The following RAB3A variants were observed in gnomAD, a reference collection of about 807,000 sequenced individuals.
The protein encoded by RAB3A is ras-related protein Rab-3A.
In RAB3A, 5 loss-of-function variants were observed where a neutral mutation model predicts 19.7. That is an observed-to-expected ratio of 0.25 (90% CI 0.13 to 0.53). RAB3A has a LOEUF of 0.53. Ranked by LOEUF, RAB3A falls within the 20% of genes least tolerant of loss-of-function variation. The pLI is 0.95. For missense variants in RAB3A, 189 were observed against 305.6 expected (o/e 0.62, Z 2.85); for synonymous variants, 119 against 122.1 (o/e 0.97, Z 0.17).
Position 18,197,441 on chromosome 19 carries a change from G to T in RAB3A, c.*29C>A. The T allele has an allele frequency of 6.3e-7, 1 of 1,591,932 alleles. No individual in the cohort carries two copies. On this transcript the variant is annotated 3_prime_UTR_variant, in exon 5 of 5. Coordinates refer to ENST00000222256, the MANE Select transcript of RAB3A (RefSeq NM_002866.5). ...AGTTGGGGGAAGGTGGGGAAGACAG[G>T]GAAGAGGGGAAAGGGAGTGGGATGG...
intron 2 of RAB3A, among the ~76,000 whole-genome samples, chr19:18,201,858 A>G (rs953399936): frequency 6.6e-6 from 1 of 152,172 alleles, no homozygotes; most frequent in Non-Finnish European, 1.5e-5. Context: ...ACTCCCAGCT[A>G]CTTGGGAAGC....
chr19:18,202,539 C>T lies in RAB3A; in HGVS notation c.202G>A (p.Asp68Asn), dbSNP rs1300216167. The T allele has an allele frequency of 3.7e-6, 6 of 1,614,134 alleles. No individual in the cohort carries two copies. The highest frequency in any genetic ancestry group is 5.1e-6 in the Non-Finnish European group (6 of 1,180,012). Residue 68 changes from aspartate (D) to asparagine (N), a missense_variant, in exon 2 of 5, where the codon GAC becomes AAC. By Grantham distance (23) the Asp-to-Asn change is conservative. Transcript: ENST00000222256. The surrounding 1 kb of genome is among the most constrained non-coding windows in gnomAD (Gnocchi z 4.2). The part of the protein sequence containing the change: ...DFKVKTIYRN[D>N]KRIKLQIWDT... ...CAGATCTGCAGCTTGATCCTCTTGTCGTTGCGATAGATGGTCTTGACCTTG... is the reference window on the plus strand; with the variant it reads ...CAGATCTGCAGCTTGATCCTCTTGTTGTTGCGATAGATGGTCTTGACCTTG...
chr19:18,200,333 T>C lies in RAB3A; in HGVS notation c.341A>G (p.Gln114Arg). ...GCAAGTGGGGTACACTCACCAGTCC[T>C]GCACTGCATTGAAGGATTCCTCGTT... ...ITNEESFNAVQDWSTQIKTYS... is the reference protein window; with the variant it reads ...ITNEESFNAVRDWSTQIKTYS... Residue 114 changes from glutamine to arginine, a missense_variant, in exon 3 of 5, where the codon CAG becomes CGG. Gln to Arg is a conservative substitution (Grantham distance 43, BLOSUM62 1). Transcript: ENST00000222256. 6.2e-7 allele frequency: 1 copy of C among 1,609,422 alleles called. No individual in the cohort carries two copies. The highest frequency in any genetic ancestry group is 8.5e-7 in the Non-Finnish European group (1 of 1,176,386).
intron 2 of RAB3A, among the ~76,000 whole-genome samples, chr19:18,200,962 TG>T (rs1967600341): frequency 6.7e-6 from 1 of 149,162 alleles, no homozygotes; most frequent in Non-Finnish European, 1.5e-5. Flanking sequence ...TCGGGTGTGG[TG>T]GTGGCTCACG....
Position 18,202,393 on chromosome 19 carries a change from T to A in RAB3A, c.228+120A>T. 1 of 894,488 alleles carries A rather than the reference T, an allele frequency of 1.1e-6. No homozygotes were observed. Among genetic ancestry groups the A allele is most frequent in the Non-Finnish European group, 1.8e-6 (1 of 568,586 alleles). The allele number at this position is 894,488 out of a possible 1,614,324, so 55.4% of individuals were successfully genotyped here. A position where few individuals can be genotyped will look rare whatever the true frequency, so the allele number is the denominator to read the frequency against. ...CGGTACACAGTGGGCACCTTACTGA[T>A]AAATGCCCAGTGTGTAAGTGAATGA... On this transcript the variant is annotated intron_variant, in intron 2 of 4. Transcript: ENST00000222256. This position sits in a 1 kb window ranked among gnomAD's most constrained non-coding sequence, Gnocchi z 4.2.
rs1219568929 is a variant in RAB3A, at chr19:18,197,250, A to G, written c.*220T>C. The G allele has an allele frequency of 3.8e-6, 2 of 530,516 alleles. No homozygotes were observed. The highest frequency in any genetic ancestry group is 3.4e-5 in the East Asian group (1 of 29,438). The allele number at this position is 530,516 out of a possible 1,614,324, so 32.9% of individuals were successfully genotyped here. A position where few individuals can be genotyped will look rare whatever the true frequency, so the allele number is the denominator to read the frequency against. On this transcript the variant is annotated 3_prime_UTR_variant, in exon 5 of 5. Coordinates refer to ENST00000222256, the MANE Select transcript of RAB3A (RefSeq NM_002866.5). ...ACCACAGCTGAGTGGGGAAAGGGCT[A>G]TATGTACAGGAGGGGCAGGGCTTGG...
Position 18,197,183 on chromosome 19 carries a change from G to C in RAB3A, c.*287C>G, listed in dbSNP as rs865968290. On this transcript the variant is annotated 3_prime_UTR_variant, in exon 5 of 5. Transcript: ENST00000222256. ...AATTTTAAAAAAAGGCGGGGGGGGGGGGTTCAGGAGGGTGAGCGGTGAGTT... is the reference window on the plus strand; with the variant it reads ...AATTTTAAAAAAAGGCGGGGGGGGGCGGTTCAGGAGGGTGAGCGGTGAGTT... 5.0e-4 allele frequency: 178 copies of C among 357,246 alleles called. 6 individuals carry two copies. In the East Asian group the frequency reaches 6.2e-3, roughly 12 times the overall value. 22.1% of individuals were successfully genotyped at this position (357,246 alleles called of 1,614,324 possible).
chr19:18,199,901 C>T (rs1266017318), intron 3 of RAB3A, among the ~76,000 whole-genome samples: 1 of 152,162 alleles, frequency 6.6e-6, no homozygotes, highest in African/African-American at 2.4e-5. Context: ...TATAGTTTTA[C>T]TTTTCCATCT....
At chr19:18,200,000 G>A (rs931438703) in intron 3 of RAB3A, among the ~76,000 whole-genome samples, 14 of 152,254 alleles carry the variant, frequency 9.2e-5, no homozygotes, top group African/African-American at 3.4e-4. Context: ...AGTGTGGAAG[G>A]CCAGAAGCGA....
rs148340002 is a variant in RAB3A at position 18,196,947 on chromosome 19, A to AC, written c.*522dup. ...CCAGGGTGGTGAATACCCACAGCAC[A>AC]CCCCCCCACCAAAAGAGAAAACGGG... On this transcript the variant is annotated 3_prime_UTR_variant, in exon 5 of 5. Coordinates refer to ENST00000222256, the MANE Select transcript of RAB3A (RefSeq NM_002866.5). 0.056 allele frequency: 7,460 copies of AC among 132,642 alleles called. 275 individuals are homozygous for AC. The highest frequency in any genetic ancestry group is 0.076 in the Non-Finnish European group (5,033 of 65,802). 8.2% of individuals were successfully genotyped at this position (132,642 alleles called of 1,614,324 possible).
chr19:18,198,648 A>G, intron 4 of RAB3A, 77 bp downstream of exon 4: 1 of 1,575,590 alleles, frequency 6.3e-7, no homozygotes, highest in Non-Finnish European at 8.6e-7. Flanking sequence ...TAGCTGTAAG[A>G]CCTTGGGTGT....
intron 1 of RAB3A, among the ~76,000 whole-genome samples, chr19:18,203,445 AC>A (rs1967642159): frequency 6.6e-6 from 1 of 152,036 alleles, no homozygotes; most frequent in Non-Finnish European, 1.5e-5. Flanking sequence ...GCTTGTATGC[AC>A]GGGCCATACC....
rs374714100 is a variant in RAB3A at position 18,202,788 on chromosome 19, C to T, written c.1-48G>A. The T allele has an allele frequency of 1.3e-6, 2 of 1,494,454 alleles. No individual in the cohort carries two copies. Among genetic ancestry groups the T allele is most frequent in the Non-Finnish European group, 1.9e-6 (2 of 1,076,560 alleles). 92.6% of individuals were successfully genotyped at this position (1,494,454 alleles called of 1,614,324 possible). The stretch of plus-strand genomic sequence containing the variant: ...AGCCGTGAGGGGGGCTCTCTCCATC[C>T]TCATGTGCCCAAGCCCAGGCAGAAG... On this transcript the variant is annotated intron_variant, in intron 1 of 4. Coordinates refer to ENST00000222256, the MANE Select transcript of RAB3A (RefSeq NM_002866.5). The surrounding 1 kb of genome is among the most constrained non-coding windows in gnomAD (Gnocchi z 4.2).
chr19:18,203,468 T>C (rs1257968396), intron 1 of RAB3A, among the ~76,000 whole-genome samples: 1 of 151,718 alleles, frequency 6.6e-6, no homozygotes, highest in Non-Finnish European at 1.5e-5. Flanking sequence ...GCACAGGCGG[T>C]CCACACGTCT....
chr19:18,203,339 C>T (rs1568653772), intron 1 of RAB3A, among the ~76,000 whole-genome samples: 1 of 152,222 alleles, frequency 6.6e-6, no homozygotes, highest in South Asian at 2.1e-4. Context: ...GTTTGCACAC[C>T]GACTCGCCTA....
In RAB3A at chr19:18,197,246, G is replaced by A. The variant is rs548028585; in HGVS notation, c.*224C>T. ...AGACACCACAGCTGAGTGGGGAAAG[G>A]GCTATATGTACAGGAGGGGCAGGGC... On this transcript the variant is annotated 3_prime_UTR_variant, in exon 5 of 5. Coordinates refer to ENST00000222256, the MANE Select transcript of RAB3A (RefSeq NM_002866.5). 6 of 538,006 alleles carry A rather than the reference G, an allele frequency of 1.1e-5. No homozygotes were observed. In the East Asian group the frequency reaches 1.3e-4, roughly 12 times the overall value. 33.3% of individuals were successfully genotyped at this position (538,006 alleles called of 1,614,324 possible).
Position 18,202,165 on chromosome 19 carries a change from C to T in RAB3A, c.228+348G>A, listed in dbSNP as rs1409373849. Among the ~76,000 whole-genome samples, 3 of 152,076 alleles carry T rather than the reference C, an allele frequency of 2.0e-5. No individual in the cohort carries two copies. Among genetic ancestry groups the T allele is most frequent in the Non-Finnish European group, 4.4e-5 (3 of 68,010 alleles). ...GAAGAATGGTTTGAGCCTGGGAAGT[C>T]GAGGCTGCAGAGAGCCGTGATCACG... On this transcript the variant is annotated intron_variant, in intron 2 of 4. Coordinates refer to ENST00000222256, the MANE Select transcript of RAB3A (RefSeq NM_002866.5). This position sits in a 1 kb window ranked among gnomAD's most constrained non-coding sequence, Gnocchi z 4.2.
intron 3 of RAB3A, among the ~76,000 whole-genome samples, chr19:18,199,821 G>A (rs541902114): frequency 1.7e-3 from 260 of 151,788 alleles, no homozygotes; most frequent in Middle Eastern, 3.4e-3. Context: ...ACCGTGCCCG[G>A]CCATGCCAAC....
rs867840951 is a variant in RAB3A at position 18,197,184 on chromosome 19, G to C, written c.*286C>G. On this transcript the variant is annotated 3_prime_UTR_variant, in exon 5 of 5. Coordinates refer to ENST00000222256, the MANE Select transcript of RAB3A (RefSeq NM_002866.5). ...ATTTTAAAAAAAGGCGGGGGGGGGG[G>C]GTTCAGGAGGGTGAGCGGTGAGTTC... 22 of 296,064 alleles carry C rather than the reference G, an allele frequency of 7.4e-5. No homozygotes were observed. The highest frequency in any genetic ancestry group is 2.2e-4 in the Admixed American group (4 of 17,816). 18.3% of individuals were successfully genotyped at this position (296,064 alleles called of 1,614,324 possible).
Sources: gnomAD v4.1 joint callset for allele counts (sites outside exome capture counted in the v4.1 genomes callset) on GRCh38, gnomAD v4.1.1 for gene constraint, Gnocchi (gnomAD v3.1) non-coding constraint, MANE v1.5 for transcripts, NCBI Gene and HGNC (gene_info 2026-07-23, HGNC 2026-07-21) for gene names.